ADGRG1: variants seen among roughly 807,000 people sequenced by gnomAD.
ADGRG1 encodes 7-transmembrane protein with no EGF-like N-terminal domains-1.
ADGRG1 carries 53 observed loss-of-function variants against 73.5 expected under a neutral mutation model. The ratio of observed to expected loss-of-function variants is 0.72; its 90% CI spans 0.58 to 0.91. The LOEUF (loss-of-function observed/expected upper bound fraction) is 0.91. Ranked by LOEUF, ADGRG1 falls within the 40% of genes least tolerant of loss-of-function variation. ADGRG1 has a pLI of 0.00. For synonymous variants in ADGRG1, 394 were observed against 374.4 expected, an observed-to-expected ratio of 1.05 and a Z score of -0.60; for missense variants, 795 against 871.8, an observed-to-expected ratio of 0.91 and a Z score of 1.11.
chr16:57,635,061 G>A (rs2039015052), intron 1 of ADGRG1: 2 of 985,218 alleles, frequency 2.0e-6, no homozygotes. Flanking sequence ...AAGAGGACTG[G>A]AGTGAACAGG....
chr16:57,659,143 C>T lies in ADGRG1; in HGVS notation c.1287-270C>T, dbSNP rs16958674. The T allele has an allele frequency of 0.23, 227,776 of 984,932 alleles. 27,064 individuals carry two copies. Among genetic ancestry groups the T allele is most frequent in the African/African-American group, 0.37 (20,892 of 57,238 alleles). 61.0% of individuals were successfully genotyped at this position (984,932 alleles called of 1,614,324 possible). ...GACTTTGAGAGTATCTGGTTTATTA[C>T]TGTGGTTGTCTTCCTCGCTCTGCCT... On this transcript the variant is annotated intron_variant, in intron 10 of 13. Coordinates refer to ENST00000562631, the MANE Select transcript of ADGRG1 (RefSeq NM_201525.4).
At chr16:57,632,108 G>A in intron 1 of ADGRG1, 1 of 985,486 alleles carries the variant, frequency 1.0e-6, no homozygotes, top group Non-Finnish European at 1.2e-6. Flanking sequence ...CTTTTCAGAT[G>A]AGGACATTGA....
At chr16:57,634,016 T>C (rs2147412525) in intron 1 of ADGRG1, 2 of 937,320 alleles carry the variant, frequency 2.1e-6, no homozygotes, top group Admixed American at 1.2e-4. Context: ...GCTGGAGCCA[T>C]TACCCACAGA....
upstream of ADGRG1, chr16:57,626,918 AG>A: frequency 1.0e-6 from 1 of 985,412 alleles, no homozygotes; most frequent in Non-Finnish European, 1.2e-6. Flanking sequence ...CCCCCAGTGT[AG>A]GCTGGCCTCT....
rs1316432397 is a variant in ADGRG1, at chr16:57,640,370, C to T, written c.-35-9883C>T. 3.3e-5 allele frequency: 5 copies of T among 152,248 alleles called. 1 individual carries two copies. Among genetic ancestry groups the T allele is most frequent in the African/African-American group, 9.6e-5 (4 of 41,452 alleles). The allele number at this position is 152,248 out of a possible 1,614,324, so 9.4% of individuals were successfully genotyped here. A position where few individuals can be genotyped will look rare whatever the true frequency, so the allele number is the denominator to read the frequency against. ...TCATTACTTGCTAGCTGTGTGACCTCGGGCAGGTAACTTGACCTCCCTGGG... is the reference window on the plus strand; with the variant it reads ...TCATTACTTGCTAGCTGTGTGACCTTGGGCAGGTAACTTGACCTCCCTGGG... On this transcript the variant is annotated intron_variant, in intron 1 of 13. Transcript: ENST00000562631.
At position 57,657,416 on chromosome 16, in the gene ADGRG1, G is replaced by A. The variant is rs999156635; in HGVS notation, c.1211G>A (p.Ser404Asn). The change falls in exon 10 of 14, where the codon AGC (serine) becomes AAC (asparagine). Residue 404 changes from serine to asparagine, a missense_variant. By Grantham distance (46) the Ser-to-Asn change is conservative. Transcript: ENST00000562631. ...GACGCCGTGCACAAGCACTACCTGA[G>A]CCTCCTCTCCTACGTGGGCTGTGTC... is the stretch of plus-strand genomic sequence containing the variant. ...EVDAVHKHYL[S>N]LLSYVGCVVS... The A allele has an allele frequency of 6.2e-7, 1 of 1,614,192 alleles. No individual in the cohort carries two copies. The highest frequency in any genetic ancestry group is 8.5e-7 in the Non-Finnish European group (1 of 1,180,022).
intron 10 of ADGRG1, among the ~76,000 whole-genome samples, chr16:57,657,802 CATG>C (rs1204054903): frequency 6.6e-6 from 1 of 152,056 alleles, no homozygotes; most frequent in Non-Finnish European, 1.5e-5. Context: ...AGTGTAGTAG[CATG>C]ATCTCGGCTC....
intron 1 of ADGRG1, chr16:57,631,906 G>A: frequency 1.0e-6 from 1 of 967,764 alleles, no homozygotes; most frequent in African/African-American, 1.8e-5. Flanking sequence ...GAGGGGCCAA[G>A]GGTTGGGGAG....
chr16:57,624,338 A>G (rs2035430291), upstream of ADGRG1: 1 of 164,712 alleles, frequency 6.1e-6, no homozygotes, highest in Non-Finnish European at 1.3e-5. Context: ...TGTCTCTCCA[A>G]AAAAATACAA....
rs772693433 is a variant in ADGRG1 at position 57,655,546 on chromosome 16, C to G, written c.900+16C>G. 3.7e-6 allele frequency: 6 copies of G among 1,613,474 alleles called. No homozygotes were observed. Among genetic ancestry groups the G allele is most frequent in the East Asian group, 2.2e-5 (1 of 44,886 alleles). On this transcript the variant is annotated intron_variant, in intron 6 of 13. Transcript: ENST00000562631. Reference sequence around the variant, plus strand: ...CCTGTTCCAGGTATGGGGTCCTCACCCTCATGCCTCCCAGGAGAAAGCAGT... The same window carrying G: ...CCTGTTCCAGGTATGGGGTCCTCACGCTCATGCCTCCCAGGAGAAAGCAGT...
upstream of ADGRG1, chr16:57,620,704 C>G (rs566492018): frequency 4.6e-5 from 7 of 152,258 alleles, no homozygotes; most frequent in Admixed American, 3.9e-4. Context: ...CCTGCTCCCC[C>G]CAGCTGCCTG....
chr16:57,661,860 A>G lies in ADGRG1; in HGVS notation c.1828A>G (p.Ser610Gly), dbSNP rs762324715. The G allele has an allele frequency of 2.5e-6, 4 of 1,614,132 alleles. No homozygotes were observed. In the Admixed American group the frequency reaches 6.7e-5, roughly 27 times the overall value. Reference protein sequence around the residue: ...WSHVLTLLGLSLVLGLPWALI... With the variant: ...WSHVLTLLGLGLVLGLPWALI... The stretch of plus-strand genomic sequence containing the variant: ...ACATGTGCTGACACTGCTGGGCCTC[A>G]GCCTGGTCCTTGGCCTGCCCTGGGC... Residue 610 changes from serine (S) to glycine (G), a missense_variant, in exon 13 of 14, where the codon AGC (serine) becomes GGC (glycine). Ser to Gly is a moderately conservative substitution (Grantham distance 56, BLOSUM62 0). Coordinates refer to ENST00000562631, the MANE Select transcript of ADGRG1 (RefSeq NM_201525.4).
chr16:57,663,413 C>A, intron 13 of ADGRG1, 39 bp from the exon 14 acceptor site: 2 of 1,609,818 alleles, frequency 1.2e-6, no homozygotes, highest in Non-Finnish European at 1.7e-6. Context: ...TGGGGTGGGG[C>A]TCCCCCACCT....
Position 57,655,388 on chromosome 16 carries a change from G to T in ADGRG1, c.769-11G>T. The T allele has an allele frequency of 6.2e-7, 1 of 1,612,642 alleles. No individual in the cohort carries two copies. Among genetic ancestry groups the T allele is most frequent in the South Asian group, 1.1e-5 (1 of 91,072 alleles). On this transcript the variant is annotated splice_polypyrimidine_tract_variant and intron_variant, in intron 5 of 13. Transcript: ENST00000562631. ...TCCGCATTTGGCTGAGCCCTAAAGGGACCTCTGCAGGAGGAGCAGAGCGAG... is the reference window on the plus strand; with the variant it reads ...TCCGCATTTGGCTGAGCCCTAAAGGTACCTCTGCAGGAGGAGCAGAGCGAG...
intron 1 of ADGRG1, chr16:57,642,323 T>G: frequency 1.0e-6 from 1 of 985,238 alleles, no homozygotes. Flanking sequence ...TTCCTGGAAG[T>G]GTCAGGGATG....
intron 1 of ADGRG1, chr16:57,643,893 G>T: frequency 1.0e-6 from 1 of 976,944 alleles, no homozygotes. Flanking sequence ...GCGGCTGAGG[G>T]GTGGGGGGAC....
intron 9 of ADGRG1, among the ~76,000 whole-genome samples, chr16:57,657,034 G>A (rs1452320005): frequency 6.6e-6 from 1 of 152,182 alleles, no homozygotes; most frequent in Admixed American, 6.5e-5. Context: ...CCTGGGGCTT[G>A]AACACCCCTG....
rs1176720497 is a variant in ADGRG1 at position 57,628,923 on chromosome 16, T to A, written c.-36+121T>A. 5.5e-5 allele frequency: 40 copies of A among 729,848 alleles called. 1 individual carries two copies. The African/African-American group carries it at 9.2e-4, about 17-fold the overall frequency. The allele number at this position is 729,848 out of a possible 1,614,324, so 45.2% of individuals were successfully genotyped here. On this transcript the variant is annotated intron_variant, in intron 1 of 13. Coordinates refer to ENST00000562631, the MANE Select transcript of ADGRG1 (RefSeq NM_201525.4). ...GTGAGTGTGAGTGTGTGAGAGTGAG[T>A]GTGAGTGTGAGTGTGAGCGTGAGAG...
At position 57,651,340 on chromosome 16, in the gene ADGRG1, G is replaced by T. The variant is rs794727638; in HGVS notation, c.205G>T (p.Ala69Ser). ...CTCCGAAGAGGCCCTCACAGTCCAT[G>T]CCCCTTTCCCTGCAGCCCACCCTGC... is the stretch of plus-strand genomic sequence containing the variant. ...ENSEEALTVH[A>S]PFPAAHPASR... Residue 69 changes from alanine (A) to serine (S), a missense_variant, in exon 3 of 14, where the codon GCC becomes TCC. Ala to Ser is a moderately conservative substitution (Grantham distance 99). Transcript: ENST00000562631. The T allele has an allele frequency of 6.2e-7, 1 of 1,614,096 alleles. No individual in the cohort carries two copies. Among genetic ancestry groups the T allele is most frequent in the Non-Finnish European group, 8.5e-7 (1 of 1,180,006 alleles).
Sources: gnomAD v4.1 joint callset for allele counts (sites outside exome capture counted in the v4.1 genomes callset) on GRCh38, gnomAD v4.1.1 for gene constraint, MANE v1.5 for transcripts, NCBI Gene and HGNC (gene_info 2026-07-23, HGNC 2026-07-21) for gene names.